The following SLC4A4 variants were observed in gnomAD, a reference collection of about 807,000 sequenced individuals.
SLC4A4 encodes solute carrier family 4 member 4, also known as electrogenic sodium bicarbonate cotransporter 1.
In SLC4A4, 27 loss-of-function variants were observed where a neutral mutation model predicts 111.5. That is an observed-to-expected ratio of 0.24 (90% CI 0.18 to 0.33). The LOEUF (loss-of-function observed/expected upper bound fraction) is 0.33, where lower values mean the gene tolerates loss of function less well. Among genes scored for constraint, SLC4A4 ranks in the 10% least tolerant of loss-of-function variants. The pLI is 1.00. For missense variants in SLC4A4, 909 were observed against 1,315.5 expected, an observed-to-expected ratio of 0.69 and a Z score of 4.78; for synonymous variants, 443 against 463.4, an observed-to-expected ratio of 0.96 and a Z score of 0.57.
chr4:71,457,536 T>C (rs1035326400), intron 12 of SLC4A4, among the ~76,000 whole-genome samples: 2 of 152,162 alleles, frequency 1.3e-5, no homozygotes, highest in Non-Finnish European at 2.9e-5. Context: ...TGTTTCCTTT[T>C]TTTATGGTAC....
chr4:71,100,954 C>A (rs543217888), intron 2 of SLC4A4, among the ~76,000 whole-genome samples: 1 of 152,256 alleles, frequency 6.6e-6, no homozygotes, highest in Non-Finnish European at 1.5e-5. Context: ...AAGACACAGT[C>A]AAACGGAAAA....
intron 2 of SLC4A4, among the ~76,000 whole-genome samples, chr4:71,241,818 A>T (rs1008518203): frequency 2.6e-5 from 4 of 152,204 alleles, no homozygotes; most frequent in African/African-American, 7.2e-5. Flanking sequence ...AGGTTTTTAA[A>T]AGTTGGTACT....
intron 7 of SLC4A4, among the ~76,000 whole-genome samples, chr4:71,422,932 C>T (rs1722698621): frequency 6.6e-6 from 1 of 152,170 alleles, no homozygotes; most frequent in South Asian, 2.1e-4. Context: ...TGGCACAAGA[C>T]AGGGCTGCCC....
chr4:71,301,211 G>A, intron 3 of SLC4A4: 1 of 241,784 alleles, frequency 4.1e-6, no homozygotes, highest in Non-Finnish European at 8.3e-6. Flanking sequence ...ACCTTGGGTG[G>A]CTGGTGTAGT....
At chr4:71,446,955 T>C (rs1481418228) in intron 8 of SLC4A4, among the ~76,000 whole-genome samples, 1 of 152,230 alleles carries the variant, frequency 6.6e-6, no homozygotes, top group Admixed American at 6.5e-5. Context: ...AGTTTGTTAT[T>C]GTATGTTTCA....
At chr4:71,513,365 A>G (rs908353072) in intron 16 of SLC4A4, among the ~76,000 whole-genome samples, 1 of 152,030 alleles carries the variant, frequency 6.6e-6, no homozygotes, top group African/African-American at 2.4e-5. Context: ...ATTTATTCCT[A>G]GGTATTTTAT....
intron 16 of SLC4A4, among the ~76,000 whole-genome samples, chr4:71,530,241 G>C (rs1213850053): frequency 6.6e-6 from 1 of 152,042 alleles, no homozygotes; most frequent in African/African-American, 2.4e-5. Flanking sequence ...AGAACTTCTA[G>C]AACTTGAAAT....
Position 71,067,005 on chromosome 4 carries a change from G to C in SLC4A4, c.-65+4217G>C, listed in dbSNP as rs149609326. Among the ~76,000 whole-genome samples, 1,133 of 152,280 alleles carry C rather than the reference G, an allele frequency of 7.4e-3. 8 individuals are homozygous for C. The highest frequency in any genetic ancestry group is 0.025 in the South Asian group (119 of 4,820). On this transcript the variant is annotated intron_variant, in intron 1 of 26. Coordinates refer to the SLC4A4 transcript ENST00000649996. The stretch of plus-strand genomic sequence containing the variant: ...AAAATTACTTCTGTTGAGAGGTAAG[G>C]GGGTAGAGATGAGGTAGTGGGGAGT...
intron 3 of SLC4A4, among the ~76,000 whole-genome samples, chr4:71,321,348 GA>G (rs200925099): frequency 0.011 from 1,655 of 152,070 alleles, 31 homozygotes; most frequent in African/African-American, 0.035. Context: ...GCTTAATGAG[GA>G]AAAGCATCAA....
chr4:71,498,179 A>G (rs1353928481), intron 16 of SLC4A4, among the ~76,000 whole-genome samples: 1 of 152,126 alleles, frequency 6.6e-6, no homozygotes, highest in African/African-American at 2.4e-5. Context: ...TGACTGTCAT[A>G]TGAGCCAAAC....
At chr4:71,445,027 A>G (rs1433077668) in intron 8 of SLC4A4, among the ~76,000 whole-genome samples, 1 of 152,206 alleles carries the variant, frequency 6.6e-6, no homozygotes, top group Non-Finnish European at 1.5e-5. Context: ...TCTTTAAAAA[A>G]TAAAAATTGC....
Position 71,385,098 on chromosome 4 carries a change from C to A in SLC4A4, c.731-12479C>A, listed in dbSNP as rs575723745. Reference sequence around the variant, plus strand: ...GTTAGCATCCCTACTCTTTGCTGCCCCTCTTTTTGCTGCTTCCCTTCTAGA... The same window carrying A: ...GTTAGCATCCCTACTCTTTGCTGCCACTCTTTTTGCTGCTTCCCTTCTAGA... On this transcript the variant is annotated intron_variant, in intron 6 of 25. Transcript: ENST00000264485. 1.3e-4 allele frequency among the ~76,000 whole-genome samples: 19 copies of A among 146,038 alleles called. No homozygotes were observed. The East Asian group carries it at 3.6e-3, about 28-fold the overall frequency.
upstream of SLC4A4, among the ~76,000 whole-genome samples, chr4:71,184,760 C>T (rs755469341): frequency 2.6e-5 from 4 of 152,076 alleles, no homozygotes; most frequent in Non-Finnish European, 5.9e-5. Flanking sequence ...CCCGGAAAAG[C>T]AATCGAAAGT....
intron 2 of SLC4A4, among the ~76,000 whole-genome samples, chr4:71,119,127 G>A (rs1743349355): frequency 6.6e-6 from 1 of 152,198 alleles, no homozygotes. Flanking sequence ...GGTATGGGTT[G>A]CTGATAGTGG....
chr4:71,166,440 G>T (rs534665601), intron 2 of SLC4A4, among the ~76,000 whole-genome samples: 43 of 152,294 alleles, frequency 2.8e-4, no homozygotes, highest in African/African-American at 9.9e-4. Flanking sequence ...GAAAGGTGAA[G>T]AGAAAATATG....
In SLC4A4 at chr4:71,568,559, T is replaced by G. The variant is rs1737699177; in HGVS notation, c.*808T>G. 2 of 152,186 alleles carry G rather than the reference T, an allele frequency of 1.3e-5. No individual in the cohort carries two copies. Among genetic ancestry groups the G allele is most frequent in the South Asian group, 4.1e-4 (2 of 4,826 alleles). The allele number at this position is 152,186 out of a possible 1,614,324, so 9.4% of individuals were successfully genotyped here. A position where few individuals can be genotyped will look rare whatever the true frequency, so the allele number is the denominator to read the frequency against. On this transcript the variant is annotated 3_prime_UTR_variant, in exon 26 of 26. Transcript: ENST00000264485. ...ATCTGTTGAGTACATTGAAGAATATTTTTCTTCCTAGATTTTGTTGTTTAA... is the reference window on the plus strand; with the variant it reads ...ATCTGTTGAGTACATTGAAGAATATGTTTCTTCCTAGATTTTGTTGTTTAA...
chr4:71,220,765 A>G (rs1718698790), intron 1 of SLC4A4, among the ~76,000 whole-genome samples: 1 of 151,924 alleles, frequency 6.6e-6, no homozygotes, highest in Non-Finnish European at 1.5e-5. Context: ...GGTTTGTTAC[A>G]TAGGTAAACG....
At chr4:71,063,767 G>T (rs1014911382) in intron 1 of SLC4A4, among the ~76,000 whole-genome samples, 8 of 152,228 alleles carry the variant, frequency 5.3e-5, no homozygotes, top group African/African-American at 1.9e-4. Context: ...TAGTGGTAAT[G>T]TAAAACAATT....
intron 16 of SLC4A4, among the ~76,000 whole-genome samples, chr4:71,518,956 G>T (rs1732666500): frequency 2.0e-5 from 3 of 152,158 alleles, no homozygotes; most frequent in African/African-American, 4.8e-5. Flanking sequence ...GGCAAAGACT[G>T]GTACTCATTT....
Sources: allele counts gnomAD v4.1 joint callset (sites outside exome capture counted in the v4.1 genomes callset), GRCh38; gene constraint gnomAD v4.1.1; transcripts MANE v1.5; gene names NCBI Gene and HGNC (gene_info 2026-07-23, HGNC 2026-07-21).